The following PTBP3 variants were observed in gnomAD, a reference collection of about 807,000 sequenced individuals.
The protein encoded by PTBP3 is polypyrimidine tract binding protein 3.
A neutral mutation model predicts 58.7 loss-of-function variants in PTBP3; 20 were observed. The ratio of observed to expected loss-of-function variants is 0.34; its 90% CI spans 0.24 to 0.50. The LOEUF is 0.50. PTBP3 is among the 20% of genes least tolerant of loss of function. The pLI is 0.98. For synonymous variants in PTBP3, 185 were observed against 219.8 expected (o/e 0.84, Z 1.40); for missense variants, 509 against 637.2 (o/e 0.80, Z 2.17).
At chr9:112,343,370 G>A in the PTBP3 span, among the ~76,000 whole-genome samples, 1 of 149,376 alleles carries the variant, frequency 6.7e-6, no homozygotes, top group East Asian at 2.1e-4. Context: ...CACCACACCC[G>A]GCTAATTTTT....
intron 5 of PTBP3, among the ~76,000 whole-genome samples, chr9:112,256,504 C>T (rs1836371297): frequency 1.3e-5 from 2 of 151,660 alleles, no homozygotes; most frequent in South Asian, 4.2e-4. Flanking sequence ...TATATCTAGA[C>T]CTGGTTGGAG....
At chr9:112,280,947 C>T (rs913656140) in intron 2 of PTBP3, 1 of 152,056 alleles carries the variant, frequency 6.6e-6, no homozygotes, top group Admixed American at 6.6e-5. Flanking sequence ...TGGGCAGCTT[C>T]ATATTGATGC....
chr9:112,237,040 G>C (rs1293072171), intron 7 of PTBP3, among the ~76,000 whole-genome samples: 1 of 152,140 alleles, frequency 6.6e-6, no homozygotes, highest in Non-Finnish European at 1.5e-5. Context: ...TGAGCAGAGA[G>C]AGCTCTAGCA....
the PTBP3 span, among the ~76,000 whole-genome samples, chr9:112,338,701 C>T: frequency 1.7e-4 from 26 of 152,336 alleles, no homozygotes; most frequent in Non-Finnish European, 3.2e-4. Flanking sequence ...GAATTATGAG[C>T]CTTTCTTCAA....
chr9:112,368,863 C>T, the PTBP3 span, among the ~76,000 whole-genome samples: 2 of 152,190 alleles, frequency 1.3e-5, no homozygotes, highest in East Asian at 1.9e-4. Context: ...AGCTGGGAGA[C>T]CTAGGAGAAA....
intron 4 of PTBP3, among the ~76,000 whole-genome samples, chr9:112,263,767 T>C (rs1034163888): frequency 1.3e-5 from 2 of 152,236 alleles, no homozygotes; most frequent in African/African-American, 4.8e-5. Context: ...TTGACTGTTG[T>C]ATTCTGGTTG....
chr9:112,256,286 TATATATACATATATATATATA>T (rs1564409771), intron 5 of PTBP3, among the ~76,000 whole-genome samples: 1 of 139,614 alleles, frequency 7.2e-6, no homozygotes, highest in African/African-American at 2.6e-5. Context: ...TATATATATA[TATATATACATATATATATATA>T]TATTTATCTA....
intron 3 of PTBP3, among the ~76,000 whole-genome samples, chr9:112,270,914 T>A (rs1827358338): frequency 6.6e-6 from 1 of 151,980 alleles, no homozygotes; most frequent in Admixed American, 6.6e-5. Context: ...GCCTCCTGGG[T>A]TCAAGCAATC....
chr9:112,371,015 T>G, the PTBP3 span, among the ~76,000 whole-genome samples: 1 of 152,188 alleles, frequency 6.6e-6, no homozygotes. Flanking sequence ...GTAGTTTTTT[T>G]TTGTGGATTC....
intron 2 of PTBP3, among the ~76,000 whole-genome samples, chr9:112,280,090 T>A (rs1827789763): frequency 6.6e-6 from 1 of 152,150 alleles, no homozygotes; most frequent in African/African-American, 2.4e-5. Context: ...GATGGAGTCT[T>A]GCTCTGTCAC....
At chr9:112,293,484 T>TA (rs1828534271) in intron 2 of PTBP3, among the ~76,000 whole-genome samples, 1 of 152,240 alleles carries the variant, frequency 6.6e-6, no homozygotes, top group African/African-American at 2.4e-5. Flanking sequence ...TCAATATCTC[T>TA]ATTCTCCTTC....
At chr9:112,320,299 TATATATATATATATA>T (rs1395733291) in intron 1 of PTBP3, among the ~76,000 whole-genome samples, 6 of 50,950 alleles carry the variant, frequency 1.2e-4, no homozygotes, top group African/African-American at 9.1e-4. Flanking sequence ...AAAATATATA[TATATATATATATATA>T]TTTTTTTTTA....
At chr9:112,258,750 A>G (rs867835479) in intron 5 of PTBP3, among the ~76,000 whole-genome samples, 1 of 152,138 alleles carries the variant, frequency 6.6e-6, no homozygotes, top group Non-Finnish European at 1.5e-5. Context: ...GCCCGTAACT[A>G]TAGCCCCAGC....
chr9:112,325,834 A>G (rs529047131), intron 1 of PTBP3, among the ~76,000 whole-genome samples: 2 of 152,294 alleles, frequency 1.3e-5, no homozygotes, highest in East Asian at 1.9e-4. Flanking sequence ...CCTGGCCAAC[A>G]TGGCGAAACC....
chr9:112,262,575 C>T lies in PTBP3; in HGVS notation c.376G>A (p.Val126Ile). ...QARAQAALQA[V>I]SAVQSGSLAL... The stretch of plus-strand genomic sequence containing the variant: ...AGGCTTCCTGATTGGACGGCACTGA[C>T]AGCCTGCAGTGCAGCTTGGGCTCGC... Residue 126 changes from valine (V) to isoleucine (I), a missense_variant, in exon 5 of 14, where the codon GTC becomes ATC. Physicochemically the swap from Val to Ile is conservative, Grantham distance 29 (BLOSUM62 3). This residue lies in a region of PTBP3 where 212 missense variants were observed against 215.3 expected (regional missense o/e 0.98). Coordinates refer to ENST00000374257, the MANE Select transcript of PTBP3 (RefSeq NM_001163788.4). The T allele has an allele frequency of 1.2e-6, 2 of 1,606,878 alleles. No individual in the cohort carries two copies. The highest frequency in any genetic ancestry group is 1.7e-6 in the Non-Finnish European group (2 of 1,177,242).
chr9:112,306,610 G>T (rs71495150), intron 1 of PTBP3, among the ~76,000 whole-genome samples: 14,794 of 50,182 alleles, frequency 0.29, 901 homozygotes, highest in South Asian at 0.37. Context: ...ATATATTTTT[G>T]TTTGTTTGTT....
chr9:112,255,621 T>C (rs1436017053), intron 5 of PTBP3, among the ~76,000 whole-genome samples: 1 of 152,214 alleles, frequency 6.6e-6, no homozygotes, highest in Non-Finnish European at 1.5e-5. Context: ...CCCCTTTATA[T>C]ACAGGGTAAA....
At chr9:112,379,839 A>G in the PTBP3 span, 30 of 507,160 alleles carry the variant, frequency 5.9e-5, no homozygotes, top group Non-Finnish European at 9.7e-5. Context: ...CGCTGCCCAG[A>G]CGCTAGGCGC....
chr9:112,302,074 A>G (rs1267421991), intron 1 of PTBP3, among the ~76,000 whole-genome samples: 2 of 152,186 alleles, frequency 1.3e-5, no homozygotes, highest in African/African-American at 4.8e-5. Context: ...ACAGTGGTCC[A>G]GAAGGCATCC....
Sources: allele counts gnomAD v4.1 joint callset (sites outside exome capture counted in the v4.1 genomes callset), GRCh38; gene constraint gnomAD v4.1.1; regional missense constraint gnomAD v4.1.1; transcripts MANE v1.5; gene names NCBI Gene and HGNC (gene_info 2026-07-23, HGNC 2026-07-21).